Variants in SDK1 observed in about 807,000 individuals in gnomAD.
The protein encoded by SDK1 is sidekick cell adhesion molecule 1.
Under a neutral mutation model 245.5 loss-of-function variants are expected in SDK1, and 157 were observed. That is an observed-to-expected ratio of 0.64 (90% CI 0.56 to 0.73). The LOEUF is 0.73. Ranked by LOEUF, SDK1 falls within the 30% of genes least tolerant of loss-of-function variation. The pLI is 0.00. For synonymous variants in SDK1, 1,647 were observed against 1,278.5 expected, an observed-to-expected ratio of 1.29 and a Z score of -6.15; for missense variants, 3,583 against 3,002.3, an observed-to-expected ratio of 1.19 and a Z score of -4.52.
intron 4 of SDK1, among the ~76,000 whole-genome samples, chr7:3,814,162 C>G (rs28778432): frequency 0.14 from 19,604 of 140,986 alleles, 1,620 homozygotes; most frequent in Middle Eastern, 0.29. Flanking sequence ...ATTGCTTTTG[C>G]TGTTTTGGAC....
At chr7:4,117,110 T>C (rs925464960) in intron 25 of SDK1, among the ~76,000 whole-genome samples, 2 of 152,220 alleles carry the variant, frequency 1.3e-5, no homozygotes, top group Admixed American at 6.5e-5. Flanking sequence ...GAAAATAGTT[T>C]TTCAGAATTA....
At chr7:3,715,654 T>C (rs1785179001) in intron 4 of SDK1, among the ~76,000 whole-genome samples, 1 of 152,182 alleles carries the variant, frequency 6.6e-6, no homozygotes, top group Non-Finnish European at 1.5e-5. Flanking sequence ...TCCTATACCC[T>C]AAACCCATCA....
chr7:4,219,868 C>G (rs1008182206), intron 38 of SDK1, among the ~76,000 whole-genome samples: 2 of 151,458 alleles, frequency 1.3e-5, no homozygotes, highest in East Asian at 1.9e-4. Context: ...GCAGCCTCCC[C>G]CTTTTGTGTT....
chr7:3,618,148 A>G (rs1367866678), intron 1 of SDK1, among the ~76,000 whole-genome samples: 3 of 152,154 alleles, frequency 2.0e-5, no homozygotes, highest in East Asian at 1.9e-4. Context: ...TGCTGCATCC[A>G]TATTAAAAAA....
intron 1 of SDK1, among the ~76,000 whole-genome samples, chr7:3,341,201 G>C (rs1051563917): frequency 6.6e-6 from 1 of 152,158 alleles, no homozygotes; most frequent in African/African-American, 2.4e-5. Context: ...AGCCATGCAA[G>C]ACTGGTTCAA....
In SDK1 at chr7:3,565,998, G is replaced by C. The variant is rs139554413; in HGVS notation, c.299-53082G>C. Among the ~76,000 whole-genome samples, 1,252 of 151,988 alleles carry C rather than the reference G, an allele frequency of 8.2e-3. 12 individuals carry two copies. Among genetic ancestry groups the C allele is most frequent in the African/African-American group, 0.021 (881 of 41,454 alleles). On this transcript the variant is annotated intron_variant, in intron 1 of 44. Transcript: ENST00000404826. The stretch of plus-strand genomic sequence containing the variant: ...AAAAATGAATAAAAACATAAGATAC[G>C]ACTTACAGCAACGAAAGCAATATAA...
At chr7:3,379,902 A>G (rs1781444110) in intron 1 of SDK1, among the ~76,000 whole-genome samples, 1 of 152,150 alleles carries the variant, frequency 6.6e-6, no homozygotes, top group Non-Finnish European at 1.5e-5. Context: ...GCTAGTTGAT[A>G]TGAGGCAGAT....
rs1343390900 is a variant in SDK1 at position 3,944,011 on chromosome 7, CAGCCTGG to C, written c.848-6911_848-6905del. The stretch of plus-strand genomic sequence containing the variant: ...GTCTTCACCTCCAGCCACCTAAAAC[CAGCCTGG>C]GAAACGTTCAGTTGAGAACACTACT... On this transcript the variant is annotated intron_variant, in intron 5 of 44. Transcript: ENST00000404826. Among the ~76,000 whole-genome samples, 5 of 152,314 alleles carry C rather than the reference CAGCCTGG, an allele frequency of 3.3e-5. No individual in the cohort carries two copies. In the East Asian group the frequency reaches 9.6e-4, roughly 29 times the overall value.
At chr7:3,909,794 G>A (rs760475787) in intron 5 of SDK1, among the ~76,000 whole-genome samples, 3 of 152,148 alleles carry the variant, frequency 2.0e-5, no homozygotes, top group Admixed American at 6.5e-5. Flanking sequence ...TTTGCATAGC[G>A]TGCTTGCCTA....
chr7:3,325,704 T>G (rs1266893700), intron 1 of SDK1, among the ~76,000 whole-genome samples: 1 of 152,192 alleles, frequency 6.6e-6, no homozygotes, highest in Non-Finnish European at 1.5e-5. Flanking sequence ...GCCTTATATC[T>G]GTTACAAAAG....
At position 3,967,394 on chromosome 7, in the gene SDK1, G is replaced by A. The variant is rs142554459; in HGVS notation, c.1506G>A (p.Glu502=). Residue 502 remains glutamate, a synonymous_variant, in exon 10 of 45, where the codon GAG becomes GAA. Coordinates refer to ENST00000404826, the MANE Select transcript of SDK1 (RefSeq NM_152744.4). ...GGATGACAGCCATTCTAAGGTGTGA[G>A]GTGTCCGGGGCTCCCAAACCCGCCA... ...TDGMTAILRC[E]VSGAPKPAIT... 6 of 1,614,028 alleles carry A rather than the reference G, an allele frequency of 3.7e-6. No homozygotes were observed. In the Admixed American group the frequency reaches 6.7e-5, roughly 18 times the overall value.
intron 1 of SDK1, among the ~76,000 whole-genome samples, chr7:3,518,019 A>G (rs1782806552): frequency 6.6e-6 from 1 of 152,126 alleles, no homozygotes; most frequent in Non-Finnish European, 1.5e-5. Context: ...TAAAGAGCCA[A>G]TTAAGTTACA....
At chr7:3,413,522 C>G (rs949582167) in intron 1 of SDK1, among the ~76,000 whole-genome samples, 1 of 151,716 alleles carries the variant, frequency 6.6e-6, no homozygotes, top group Non-Finnish European at 1.5e-5. Flanking sequence ...TAGTGAAACT[C>G]CGTCTCTACT....
At chr7:3,943,185 T>G (rs1000227242) in intron 5 of SDK1, among the ~76,000 whole-genome samples, 1 of 152,128 alleles carries the variant, frequency 6.6e-6, no homozygotes, top group Non-Finnish European at 1.5e-5. Flanking sequence ...GGCATAGACT[T>G]TTCCTGAAAA....
chr7:3,427,461 G>A (rs1387396276), intron 1 of SDK1, among the ~76,000 whole-genome samples: 1 of 150,382 alleles, frequency 6.6e-6, no homozygotes, highest in East Asian at 2.0e-4. Context: ...GGAGGTTGCA[G>A]TGAGCTGAGA....
At chr7:4,189,620 C>T (rs1001306478) in intron 35 of SDK1, among the ~76,000 whole-genome samples, 3 of 152,144 alleles carry the variant, frequency 2.0e-5, no homozygotes, top group Admixed American at 6.5e-5. Flanking sequence ...GAGGCCAAGG[C>T]GGGTGGATTA....
At chr7:3,467,920 A>G (rs186727394) in intron 1 of SDK1, among the ~76,000 whole-genome samples, 1 of 152,066 alleles carries the variant, frequency 6.6e-6, no homozygotes, top group Non-Finnish European at 1.5e-5. Context: ...TTATGTAGTT[A>G]TTAGGTTTTC....
chr7:3,581,004 A>AAAAG (rs1780470123), intron 1 of SDK1, among the ~76,000 whole-genome samples: 1 of 149,114 alleles, frequency 6.7e-6, no homozygotes, highest in Non-Finnish European at 1.5e-5. Context: ...ACCAAAACAA[A>AAAAG]ACCCTGGAAG....
At chr7:3,893,591 T>G (rs1338420813) in intron 5 of SDK1, among the ~76,000 whole-genome samples, 1 of 151,984 alleles carries the variant, frequency 6.6e-6, no homozygotes, top group Non-Finnish European at 1.5e-5. Context: ...TCAAGCTTTC[T>G]GCAATCCTCC....
Sources: allele counts gnomAD v4.1 joint callset (sites outside exome capture counted in the v4.1 genomes callset), GRCh38; gene constraint gnomAD v4.1.1; transcripts MANE v1.5; gene names NCBI Gene and HGNC (gene_info 2026-07-23, HGNC 2026-07-21).